Variants in GOLM1 observed in about 807,000 individuals in gnomAD.
The protein encoded by GOLM1 is epididymis luminal protein 46.
GOLM1 carries 31 observed loss-of-function variants against 50.5 expected under a neutral mutation model. The ratio of observed to expected loss-of-function variants is 0.61; its 90% CI spans 0.46 to 0.83. The LOEUF (loss-of-function observed/expected upper bound fraction) is 0.83. Ranked by LOEUF, GOLM1 falls within the 40% of genes least tolerant of loss-of-function variation. The pLI, the probability that GOLM1 is intolerant of heterozygous loss-of-function variation, is 0.00. For synonymous variants in GOLM1, 178 were observed against 192.8 expected (o/e 0.92, Z 0.64); for missense variants, 491 against 501.3 (o/e 0.98, Z 0.20).
intron 3 of GOLM1, among the ~76,000 whole-genome samples, chr9:86,054,547 T>C (rs946667890): frequency 6.6e-6 from 1 of 152,168 alleles, no homozygotes; most frequent in Non-Finnish European, 1.5e-5. Flanking sequence ...TTGACAGTTA[T>C]GTGAGGTAGT....
At chr9:86,042,310 G>C (rs1050081707) in intron 5 of GOLM1, among the ~76,000 whole-genome samples, 10 of 152,208 alleles carry the variant, frequency 6.6e-5, no homozygotes, top group African/African-American at 2.4e-4. Context: ...ATGGACCAGG[G>C]TCAGAGGGAG....
At chr9:86,076,832 T>C (rs939780092) in intron 3 of GOLM1, among the ~76,000 whole-genome samples, 1 of 148,744 alleles carries the variant, frequency 6.7e-6, no homozygotes, top group African/African-American at 2.5e-5. Context: ...CACTCCAGCC[T>C]GGGCGACAGA....
At chr9:86,038,888 G>A (rs1051017140) in intron 6 of GOLM1, among the ~76,000 whole-genome samples, 5 of 151,940 alleles carry the variant, frequency 3.3e-5, no homozygotes, top group African/African-American at 1.2e-4. Context: ...CTTGGGTCAG[G>A]CAAAGTGTTA....
At chr9:86,082,737 GC>G (rs1325681916) in intron 1 of GOLM1, among the ~76,000 whole-genome samples, 8 of 152,204 alleles carry the variant, frequency 5.3e-5, no homozygotes, top group Non-Finnish European at 1.0e-4. Context: ...ATCACACCTG[GC>G]CCCCAGCCCT....
In GOLM1 at chr9:86,048,938, G is replaced by C. The variant is rs149514629; in HGVS notation, c.365-2366C>G. The stretch of plus-strand genomic sequence containing the variant: ...CCATTGCTTTTGGTGTTTTAGACAC[G>C]AAGTCCTTGCCCATGCCTATGTCCT... On this transcript the variant is annotated intron_variant, in intron 4 of 9. Transcript: ENST00000388712. 1.2e-3 allele frequency among the ~76,000 whole-genome samples: 186 copies of C among 152,290 alleles called. 4 individuals carry two copies. In the South Asian group the frequency reaches 0.032, roughly 26 times the overall value.
intron 4 of GOLM1, among the ~76,000 whole-genome samples, chr9:86,051,482 T>C (rs984395283): frequency 5.3e-5 from 8 of 152,172 alleles, no homozygotes; most frequent in Non-Finnish European, 1.0e-4. Context: ...TCTCCCATTA[T>C]TATTGTGTGG....
chr9:86,047,932 GGTTT>G lies in GOLM1; in HGVS notation c.365-1364_365-1361del, dbSNP rs568689070. Among the ~76,000 whole-genome samples, 143 of 152,218 alleles carry G rather than the reference GGTTT, an allele frequency of 9.4e-4. 1 individual carries two copies. Among genetic ancestry groups the G allele is most frequent in the Non-Finnish European group, 1.7e-3 (117 of 68,014 alleles). On this transcript the variant is annotated intron_variant, in intron 4 of 9. Transcript: ENST00000388712. ...CTAGGGTACATGTGCACAACGTGCAGGTTTGTTACATATGTATACATGTGCCATG... is the reference window on the plus strand; with the variant it reads ...CTAGGGTACATGTGCACAACGTGCAGGTTACATATGTATACATGTGCCATG...
At chr9:86,040,695 T>C (rs1177272241) in intron 6 of GOLM1, 44 bp downstream of exon 6, 9 of 1,582,546 alleles carry the variant, frequency 5.7e-6, no homozygotes, top group African/African-American at 2.7e-5. Flanking sequence ...TGCCTGAAGA[T>C]AGGGGTACCT....
chr9:86,087,288 T>C (rs1169426004), intron 1 of GOLM1, among the ~76,000 whole-genome samples: 2 of 152,244 alleles, frequency 1.3e-5, no homozygotes. Context: ...TTTTTGCACA[T>C]TGATTTTGTA....
chr9:86,056,762 T>C (rs1237717053), intron 3 of GOLM1, among the ~76,000 whole-genome samples: 1 of 151,950 alleles, frequency 6.6e-6, no homozygotes, highest in Non-Finnish European at 1.5e-5. Context: ...CCTTGGCCTC[T>C]CAAAGTGCTG....
chr9:86,070,665 G>A lies in GOLM1; in HGVS notation c.309+6747C>T, dbSNP rs539614531. ...AGCATTCAAGCTGCTAAGGACACAG[G>A]GCCCCAGGCACATCCTAGACATCCA... On this transcript the variant is annotated intron_variant, in intron 3 of 9. Coordinates refer to ENST00000388712, the MANE Select transcript of GOLM1 (RefSeq NM_016548.4). Among the ~76,000 whole-genome samples, 6 of 152,152 alleles carry A rather than the reference G, an allele frequency of 3.9e-5. No individual in the cohort carries two copies. In the South Asian group the frequency reaches 1.3e-3, roughly 32 times the overall value.
chr9:86,038,637 T>C (rs1337630592), intron 6 of GOLM1, among the ~76,000 whole-genome samples: 1 of 149,922 alleles, frequency 6.7e-6, no homozygotes. Flanking sequence ...ACCCTCATAC[T>C]TACAGCACAC....
At chr9:86,033,965 C>CTTTTT (rs36119587) in intron 8 of GOLM1, among the ~76,000 whole-genome samples, 1 of 138,548 alleles carries the variant, frequency 7.2e-6, no homozygotes, top group Admixed American at 7.3e-5. Context: ...TAAACAAAAT[C>CTTTTT]TTTTTTTTTT....
chr9:86,038,876 A>G (rs932257155), intron 6 of GOLM1, among the ~76,000 whole-genome samples: 4 of 152,178 alleles, frequency 2.6e-5, no homozygotes, highest in Admixed American at 6.6e-5. Flanking sequence ...AATCTTCAAG[A>G]TCTTGGGTCA....
chr9:86,069,769 A>G (rs867180234), intron 3 of GOLM1, among the ~76,000 whole-genome samples: 11 of 152,164 alleles, frequency 7.2e-5, no homozygotes, highest in Admixed American at 2.0e-4. Context: ...ACTCTTCCCA[A>G]CTTAGGTGGG....
At chr9:86,074,526 T>C (rs1156273694) in intron 3 of GOLM1, among the ~76,000 whole-genome samples, 3 of 152,116 alleles carry the variant, frequency 2.0e-5, no homozygotes, top group African/African-American at 4.8e-5. Flanking sequence ...GCCCTTCAGG[T>C]GCGGGCAGCC....
At chr9:86,070,502 C>A (rs1015498120) in intron 3 of GOLM1, among the ~76,000 whole-genome samples, 1 of 151,106 alleles carries the variant, frequency 6.6e-6, no homozygotes, top group African/African-American at 2.4e-5. Context: ...ACCCAGGAGG[C>A]GGAGGTTGCA....
chr9:86,081,472 A>G (rs1834783119), intron 1 of GOLM1, among the ~76,000 whole-genome samples: 1 of 152,162 alleles, frequency 6.6e-6, no homozygotes, highest in Non-Finnish European at 1.5e-5. Flanking sequence ...CTGGGAATAT[A>G]GGCATGAGCC....
intron 1 of GOLM1, among the ~76,000 whole-genome samples, chr9:86,088,336 CT>C (rs1554675503): frequency 2.0e-5 from 3 of 146,962 alleles, no homozygotes; most frequent in Admixed American, 6.8e-5. Flanking sequence ...CTCTTTTCTT[CT>C]TTATTAGTCT....
Sources: gnomAD v4.1 joint callset for allele counts (sites outside exome capture counted in the v4.1 genomes callset) on GRCh38, gnomAD v4.1.1 for gene constraint, MANE v1.5 for transcripts, NCBI Gene and HGNC (gene_info 2026-07-23, HGNC 2026-07-21) for gene names.